VAT1L: variants seen among roughly 807,000 people sequenced by gnomAD.
VAT1L encodes putative NADPH-dependent quinone oxidoreductase VAT1L.
Under a neutral mutation model 44.1 loss-of-function variants are expected in VAT1L, and 34 were observed. That is an observed-to-expected ratio of 0.77 (90% CI 0.59 to 1.03). VAT1L has a LOEUF of 1.03. Ranked by LOEUF, VAT1L falls within the 50% of genes least tolerant of loss-of-function variation. The pLI, the probability that VAT1L is intolerant of heterozygous loss-of-function variation, is 0.00. For synonymous variants in VAT1L, 253 were observed against 202.2 expected (o/e 1.25, Z -2.13); for missense variants, 615 against 538.8 (o/e 1.14, Z -1.40).
chr16:77,901,682 A>T (rs1387724965), intron 7 of VAT1L, among the ~76,000 whole-genome samples: 1 of 152,152 alleles, frequency 6.6e-6, no homozygotes, highest in East Asian at 1.9e-4. Flanking sequence ...CATGGCAGAC[A>T]TCACTAATCA....
chr16:77,894,828 T>A (rs1211575369), intron 7 of VAT1L, among the ~76,000 whole-genome samples: 1 of 152,048 alleles, frequency 6.6e-6, no homozygotes, highest in Non-Finnish European at 1.5e-5. Flanking sequence ...AATGCTGGGA[T>A]CAGGAGAACT....
Position 77,788,664 on chromosome 16 carries a change from C to A in VAT1L, c.-19C>A, listed in dbSNP as rs1268734597. On this transcript the variant is annotated 5_prime_UTR_variant, in exon 1 of 9. Transcript: ENST00000302536. ...CACCGCAGCCACCGCAGCCCGTGCG[C>A]CCCGCGCCCTCGAGCGCCATGGCCA... 2 of 1,546,860 alleles carry A rather than the reference C, an allele frequency of 1.3e-6. No individual in the cohort carries two copies. The highest frequency in any genetic ancestry group is 1.7e-6 in the Non-Finnish European group (2 of 1,145,754).
intron 7 of VAT1L, among the ~76,000 whole-genome samples, chr16:77,924,020 G>T (rs143742956): frequency 1.7e-3 from 255 of 151,602 alleles, no homozygotes; most frequent in African/African-American, 5.7e-3. Flanking sequence ...CACACAAGAA[G>T]TTGCATCCCC....
intron 7 of VAT1L, among the ~76,000 whole-genome samples, chr16:77,931,169 CAGA>C (rs1405446559): frequency 3.3e-5 from 5 of 152,252 alleles, no homozygotes; most frequent in South Asian, 4.1e-4. Flanking sequence ...TTATGACTCT[CAGA>C]AGAAGTTTTA....
intron 1 of VAT1L, among the ~76,000 whole-genome samples, chr16:77,807,119 G>C (rs1027815045): frequency 3.9e-5 from 6 of 152,182 alleles, no homozygotes; most frequent in African/African-American, 1.4e-4. Context: ...GCCGTGCAAA[G>C]GAGCCTCATA....
Position 77,884,574 on chromosome 16 carries a change from A to T in VAT1L, c.883-34A>T. 1 of 1,594,356 alleles carries T rather than the reference A, an allele frequency of 6.3e-7. No individual in the cohort carries two copies. Among genetic ancestry groups the T allele is most frequent in the Non-Finnish European group, 8.6e-7 (1 of 1,168,712 alleles). On this transcript the variant is annotated intron_variant, in intron 6 of 8. Coordinates refer to ENST00000302536, the MANE Select transcript of VAT1L (RefSeq NM_020927.3). This position sits in a 1 kb window ranked among gnomAD's most constrained non-coding sequence, Gnocchi z 4.5. ...CAATGTAGGCTTAACCCCGGTATTG[A>T]GTTCCTATAACCCAATACCACCTCT... is the stretch of plus-strand genomic sequence containing the variant.
chr16:77,931,849 T>A (rs2017735610), intron 7 of VAT1L, among the ~76,000 whole-genome samples: 3 of 152,278 alleles, frequency 2.0e-5, no homozygotes, highest in South Asian at 4.1e-4. Context: ...TAGGGGAAAA[T>A]CACCTAAGCA....
intron 7 of VAT1L, among the ~76,000 whole-genome samples, chr16:77,898,163 C>T (rs1316058608): frequency 2.0e-5 from 3 of 152,144 alleles, no homozygotes; most frequent in Non-Finnish European, 4.4e-5. Context: ...CATCTATCTC[C>T]AAAATTCCCC....
intron 7 of VAT1L, among the ~76,000 whole-genome samples, chr16:77,914,150 T>C (rs1437116407): frequency 6.6e-6 from 1 of 152,194 alleles, no homozygotes; most frequent in Non-Finnish European, 1.5e-5. Flanking sequence ...CAAGAGCCAA[T>C]TGTTAAATAA....
intron 4 of VAT1L, among the ~76,000 whole-genome samples, chr16:77,863,603 G>C (rs1333098146): frequency 6.6e-6 from 1 of 152,186 alleles, no homozygotes; most frequent in East Asian, 1.9e-4. Flanking sequence ...GGAAGAAAGG[G>C]GCAGGGAGGG....
At chr16:77,950,401 T>G (rs2018027461) in intron 7 of VAT1L, among the ~76,000 whole-genome samples, 1 of 86,152 alleles carries the variant, frequency 1.2e-5, no homozygotes, top group Non-Finnish European at 2.3e-5. Context: ...AGAGCAAGAT[T>G]CCATCTAAAC....
chr16:77,816,855 A>T lies in VAT1L; in HGVS notation c.234-66A>T, dbSNP rs1597176867. The T allele has an allele frequency of 2.0e-6, 3 of 1,490,370 alleles. No individual in the cohort carries two copies. In the East Asian group the frequency reaches 7.2e-5, roughly 36 times the overall value. The allele number at this position is 1,490,370 out of a possible 1,614,324, so 92.3% of individuals were successfully genotyped here. ...AGGAAAAGAAAAGAAAGAAAAGAAA[A>T]CCAGGTCGGTGCTTTCTTTTGGATC... On this transcript the variant is annotated intron_variant, in intron 1 of 8. Coordinates refer to ENST00000302536, the MANE Select transcript of VAT1L (RefSeq NM_020927.3).
intron 1 of VAT1L, among the ~76,000 whole-genome samples, chr16:77,808,341 C>T (rs534129607): frequency 1.3e-5 from 2 of 152,142 alleles, no homozygotes; most frequent in East Asian, 1.9e-4. Flanking sequence ...AGGAAAACAA[C>T]CTCAGGGCTC....
In VAT1L at chr16:77,977,787, T is replaced by C. The variant is rs2018357481; in HGVS notation, c.*92T>C. 2 of 1,232,134 alleles carry C rather than the reference T, an allele frequency of 1.6e-6. No individual in the cohort carries two copies. The highest frequency in any genetic ancestry group is 2.0e-5 in the Admixed American group (1 of 49,966). The allele number at this position is 1,232,134 out of a possible 1,614,324, so 76.3% of individuals were successfully genotyped here. ...TCTGTGCCCCAGTGAACAAATGCTGTAGTCCAGTGCGTGTCGTGTTTGTCT... is the reference window on the plus strand; with the variant it reads ...TCTGTGCCCCAGTGAACAAATGCTGCAGTCCAGTGCGTGTCGTGTTTGTCT... On this transcript the variant is annotated 3_prime_UTR_variant, in exon 9 of 9. Transcript: ENST00000302536.
intron 8 of VAT1L, among the ~76,000 whole-genome samples, 191 bp from the exon 9 acceptor site, chr16:77,977,406 T>G (rs1224385568): frequency 6.6e-6 from 1 of 152,152 alleles, no homozygotes. Flanking sequence ...ATACTGGTAT[T>G]CAAATCCTTA....
At position 77,977,793 on chromosome 16, in the gene VAT1L, AG is replaced by A. The variant is rs758149444; in HGVS notation, c.*99del. 7.6e-6 allele frequency: 9 copies of A among 1,191,340 alleles called. No individual in the cohort carries two copies. The highest frequency in any genetic ancestry group is 1.1e-5 in the Non-Finnish European group (9 of 832,192). The allele number at this position is 1,191,340 out of a possible 1,614,324, so 73.8% of individuals were successfully genotyped here. A position where few individuals can be genotyped will look rare whatever the true frequency, so the allele number is the denominator to read the frequency against. On this transcript the variant is annotated 3_prime_UTR_variant, in exon 9 of 9. Transcript: ENST00000302536. The stretch of plus-strand genomic sequence containing the variant: ...CCCCAGTGAACAAATGCTGTAGTCC[AG>A]TGCGTGTCGTGTTTGTCTGCAGTCA...
intron 8 of VAT1L, among the ~76,000 whole-genome samples, chr16:77,976,775 G>C (rs1033043425): frequency 6.6e-6 from 1 of 152,212 alleles, no homozygotes; most frequent in African/African-American, 2.4e-5. Context: ...TATCGCCACT[G>C]TAATGATGGC....
intron 7 of VAT1L, among the ~76,000 whole-genome samples, chr16:77,886,194 G>A (rs16946742): frequency 0.085 from 12,920 of 152,132 alleles, 1,823 homozygotes; most frequent in African/African-American, 0.29. Context: ...GCCTTCTGCT[G>A]TGTAATTGCC....
intron 7 of VAT1L, among the ~76,000 whole-genome samples, chr16:77,930,568 G>T (rs1391442261): frequency 6.6e-6 from 1 of 152,134 alleles, no homozygotes; most frequent in Non-Finnish European, 1.5e-5. Context: ...AGGTTCCAGG[G>T]CCCGTGCCCC....
Sources: gnomAD v4.1 joint callset for allele counts (sites outside exome capture counted in the v4.1 genomes callset) on GRCh38, gnomAD v4.1.1 for gene constraint, Gnocchi (gnomAD v3.1) non-coding constraint, MANE v1.5 for transcripts, NCBI Gene and HGNC (gene_info 2026-07-23, HGNC 2026-07-21) for gene names.